SHC3: variants seen among roughly 807,000 people sequenced by gnomAD.
SHC3 encodes SHC adaptor protein 3.
In SHC3, 15 loss-of-function variants were observed where a neutral mutation model predicts 60.4. The observed-to-expected ratio is 0.25, with a 90% CI of 0.17 to 0.38. SHC3 has a LOEUF of 0.38. Among genes scored for constraint, SHC3 ranks in the 10% least tolerant of loss-of-function variants. SHC3 has a pLI of 1.00. For synonymous variants in SHC3, 294 were observed against 325.9 expected (o/e 0.90, Z 1.05); for missense variants, 677 against 786.1 (o/e 0.86, Z 1.66).
chr9:89,139,496 A>G (rs1826362845), intron 1 of SHC3, among the ~76,000 whole-genome samples: 1 of 152,218 alleles, frequency 6.6e-6, no homozygotes, highest in Admixed American at 6.5e-5. Flanking sequence ...GGAATCTCAG[A>G]TAAGACTTTT....
intron 6 of SHC3, 47 bp downstream of exon 6, chr9:89,065,482 C>A (rs752940697): frequency 1.0e-5 from 16 of 1,599,134 alleles, no homozygotes; most frequent in Middle Eastern, 1.6e-4. Flanking sequence ...GAATGTGAAG[C>A]CTGGCTGTAC....
At chr9:89,095,014 T>C (rs1009705947) in intron 2 of SHC3, among the ~76,000 whole-genome samples, 3 of 152,072 alleles carry the variant, frequency 2.0e-5, no homozygotes, top group Admixed American at 6.5e-5. Flanking sequence ...AATAGGAACT[T>C]GTTGGAGTAT....
At chr9:89,049,997 G>A (rs918100871) in intron 7 of SHC3, among the ~76,000 whole-genome samples, 1 of 152,096 alleles carries the variant, frequency 6.6e-6, no homozygotes, top group African/African-American at 2.4e-5. Flanking sequence ...ATTTAATTCG[G>A]CTGAAATTTT....
chr9:89,033,628 C>T (rs1487419678), intron 11 of SHC3, among the ~76,000 whole-genome samples: 1 of 152,140 alleles, frequency 6.6e-6, no homozygotes, highest in East Asian at 1.9e-4. Flanking sequence ...CTGCTATGTG[C>T]CAGGCACTAC....
chr9:89,024,471 C>T (rs1826255052), intron 11 of SHC3, among the ~76,000 whole-genome samples: 1 of 152,128 alleles, frequency 6.6e-6, no homozygotes, highest in African/African-American at 2.4e-5. Flanking sequence ...CTGTCCTGCT[C>T]AGTCCAGTGC....
At chr9:89,177,366 A>G (rs1231953239) in intron 1 of SHC3, among the ~76,000 whole-genome samples, 1 of 152,218 alleles carries the variant, frequency 6.6e-6, no homozygotes, top group Non-Finnish European at 1.5e-5. Flanking sequence ...ATAGTCCCAG[A>G]ATTCTCATTC....
chr9:89,039,667 T>A (rs1824642014), intron 10 of SHC3, among the ~76,000 whole-genome samples: 1 of 151,512 alleles, frequency 6.6e-6, no homozygotes, highest in South Asian at 2.1e-4. Flanking sequence ...TCATCCCCAT[T>A]GTTACCATCA....
intron 2 of SHC3, chr9:89,109,582 A>G: frequency 1.0e-6 from 1 of 985,514 alleles, no homozygotes; most frequent in Non-Finnish European, 1.2e-6. Context: ...TTAGAAGAGA[A>G]GAGAGGGTGG....
At chr9:89,153,865 T>A (rs190245152) in intron 1 of SHC3, among the ~76,000 whole-genome samples, 1 of 152,318 alleles carries the variant, frequency 6.6e-6, no homozygotes, top group African/African-American at 2.4e-5. Context: ...GGACTGGGGA[T>A]GGCTCAGACT....
In SHC3 at chr9:89,178,331, C is replaced by A. The variant is rs771913061; in HGVS notation, c.130G>T (p.Ala44Ser). ...VSAARATPAA[A>S]PYLVSGEALR... ...GCCTCGCCGGACACCAAGTAGGGAG[C>A]CGCCGCCGGGGTCGCGCGCGCCGCC... The change falls in exon 1 of 12, where the codon GCT becomes TCT. Residue 44 changes from alanine to serine, a missense_variant. Coordinates refer to ENST00000375835, the MANE Select transcript of SHC3 (RefSeq NM_016848.6). The surrounding 1 kb of genome is among the most constrained non-coding windows in gnomAD (Gnocchi z 6.9). 1 of 1,594,524 alleles carries A rather than the reference C, an allele frequency of 6.3e-7. No individual in the cohort carries two copies. Among genetic ancestry groups the A allele is most frequent in the Non-Finnish European group, 8.5e-7 (1 of 1,172,584 alleles).
At chr9:89,130,319 G>A (rs1414508109) in intron 1 of SHC3, among the ~76,000 whole-genome samples, 2 of 152,126 alleles carry the variant, frequency 1.3e-5, no homozygotes, top group African/African-American at 4.8e-5. Context: ...AATAATGGGA[G>A]ACTTTAACAC....
At chr9:89,089,990 C>A (rs1290099875) in intron 2 of SHC3, among the ~76,000 whole-genome samples, 1 of 152,212 alleles carries the variant, frequency 6.6e-6, no homozygotes, top group African/African-American at 2.4e-5. Context: ...CCTTTAAAAA[C>A]CACCCATGCA....
At position 89,046,916 on chromosome 9, in the gene SHC3, G is replaced by A; in HGVS notation, c.1041C>T (p.Ser347=). 2 of 1,611,530 alleles carry A rather than the reference G, an allele frequency of 1.2e-6. No individual in the cohort carries two copies. Among genetic ancestry groups the A allele is most frequent in the South Asian group, 2.2e-5 (2 of 90,136 alleles). ...SDHPYYNSIP[S]KMPPPGGFLD... ...GAAAGCCCCCTGGAGGAGGCATCTTGCTTGGGATGCTGTTGTAGTATGGGT... is the reference window on the plus strand; with the variant it reads ...GAAAGCCCCCTGGAGGAGGCATCTTACTTGGGATGCTGTTGTAGTATGGGT... The change falls in exon 8 of 12, where the codon AGC becomes AGT. Residue 347 remains serine, a synonymous_variant. Transcript: ENST00000375835.
chr9:89,027,016 A>G (rs1255306809), intron 11 of SHC3, among the ~76,000 whole-genome samples: 3 of 152,336 alleles, frequency 2.0e-5, no homozygotes, highest in Non-Finnish European at 2.9e-5. Context: ...TCTTGACAAT[A>G]GAAATGAAAA....
chr9:89,022,286 T>A (rs906084330), intron 11 of SHC3, among the ~76,000 whole-genome samples: 24 of 151,188 alleles, frequency 1.6e-4, no homozygotes, highest in African/African-American at 5.8e-4. Context: ...GAAGGGAGGG[T>A]TGGGGGAGGG....
chr9:89,010,139 T>C lies in SHC3; in HGVS notation c.*3308A>G, dbSNP rs763266640. 7 of 152,272 alleles carry C rather than the reference T, an allele frequency of 4.6e-5. No homozygotes were observed. Among genetic ancestry groups the C allele is most frequent in the Admixed American group, 3.3e-4 (5 of 15,292 alleles). 9.4% of individuals were successfully genotyped at this position (152,272 alleles called of 1,614,324 possible). A position where few individuals can be genotyped will look rare whatever the true frequency, so the allele number is the denominator to read the frequency against. On this transcript the variant is annotated 3_prime_UTR_variant, in exon 12 of 12. Coordinates refer to ENST00000375835, the MANE Select transcript of SHC3 (RefSeq NM_016848.6). The stretch of plus-strand genomic sequence containing the variant: ...GCCATATATGGCCCAATCAGGCCTT[T>C]GTCCATTATCCCAACATCATAGATG...
intron 11 of SHC3, among the ~76,000 whole-genome samples, chr9:89,014,966 C>G (rs970297225): frequency 2.0e-5 from 3 of 152,210 alleles, no homozygotes; most frequent in African/African-American, 7.2e-5. Context: ...ACCCTCTCCC[C>G]CCATCTCTGT....
Position 89,178,386 on chromosome 9 carries a change from CAGGCTGTGGAGA to C in SHC3, c.63_74del (p.Leu22_Leu25del). 1 of 1,574,356 alleles carries C rather than the reference CAGGCTGTGGAGA, an allele frequency of 6.4e-7. No individual in the cohort carries two copies. Among genetic ancestry groups the C allele is most frequent in the South Asian group, 1.2e-5 (1 of 86,704 alleles). ...CCTTGCCTCCGCCGCCGCTCACCGA[CAGGCTGTGGAGA>C]AGGTCATCGACCGATGTCACCGAGT... is the stretch of plus-strand genomic sequence containing the variant. On this transcript the variant is annotated inframe_deletion, in exon 1 of 12. Transcript: ENST00000375835. This position sits in a 1 kb window ranked among gnomAD's most constrained non-coding sequence, Gnocchi z 6.9.
chr9:89,068,417 G>A (rs911908816), intron 5 of SHC3, among the ~76,000 whole-genome samples: 3 of 152,098 alleles, frequency 2.0e-5, no homozygotes, highest in Admixed American at 6.5e-5. Context: ...AGGAGAACAA[G>A]GACTAGAATA....
Sources: allele counts gnomAD v4.1 joint callset (sites outside exome capture counted in the v4.1 genomes callset), GRCh38; gene constraint gnomAD v4.1.1; non-coding constraint Gnocchi (gnomAD v3.1); transcripts MANE v1.5; gene names NCBI Gene and HGNC (gene_info 2026-07-23, HGNC 2026-07-21).